The following ENOX1 variants were observed in gnomAD, a reference collection of about 807,000 sequenced individuals.
The protein encoded by ENOX1 is ecto-NOX disulfide-thiol exchanger 1, also known as candidate growth-related and time keeping constitutive hydroquinone (NADH) oxidase.
Under a neutral mutation model 82.5 loss-of-function variants are expected in ENOX1, and 42 were observed. The observed-to-expected ratio is 0.51, with a 90% CI of 0.40 to 0.66. The LOEUF (loss-of-function observed/expected upper bound fraction) is 0.66. Ranked by LOEUF, ENOX1 falls within the 30% of genes least tolerant of loss-of-function variation. The probability of loss-of-function intolerance (pLI) is 0.00; values close to 1 mark genes in which losing one functional copy is unlikely to be tolerated. For synonymous variants in ENOX1, 271 were observed against 282.2 expected, an observed-to-expected ratio of 0.96 and a Z score of 0.40; for missense variants, 608 against 811.6, an observed-to-expected ratio of 0.75 and a Z score of 3.05.
intron 1 of ENOX1, among the ~76,000 whole-genome samples, chr13:43,710,125 A>G (rs2087590420): frequency 6.6e-6 from 1 of 152,164 alleles, no homozygotes; most frequent in Admixed American, 6.5e-5. Flanking sequence ...CACATCCAAC[A>G]GAGTATTAAA....
intron 3 of ENOX1, among the ~76,000 whole-genome samples, chr13:43,460,497 C>A (rs9525778): frequency 6.6e-6 from 1 of 151,864 alleles, no homozygotes; most frequent in Admixed American, 6.6e-5. Context: ...GTGGAACTTT[C>A]TGTGTTAAAA....
intron 2 of ENOX1, among the ~76,000 whole-genome samples, chr13:43,596,045 G>T (rs963847878): frequency 1.3e-5 from 2 of 152,140 alleles, no homozygotes; most frequent in African/African-American, 4.8e-5. Context: ...ACAAACTTCA[G>T]AAACACAGAT....
In ENOX1 at chr13:43,228,913, C is replaced by T. The variant is rs567580128; in HGVS notation, c.1715-4775G>A. Among the ~76,000 whole-genome samples, 122 of 152,322 alleles carry T rather than the reference C, an allele frequency of 8.0e-4. 1 individual carries two copies. The highest frequency in any genetic ancestry group is 3.4e-3 in the Middle Eastern group (1 of 294). On this transcript the variant is annotated intron_variant, in intron 15 of 16. Coordinates refer to ENST00000690772, the MANE Select transcript of ENOX1 (RefSeq NM_001347969.2). The stretch of plus-strand genomic sequence containing the variant: ...AGAAGAGACAGCAACCTGCAGTTTG[C>T]TGGAACGCTACCTTACACAAAGCGA...
chr13:43,582,780 T>C (rs1394421758), intron 2 of ENOX1, among the ~76,000 whole-genome samples: 1 of 152,144 alleles, frequency 6.6e-6, no homozygotes, highest in Non-Finnish European at 1.5e-5. Context: ...CTTGCTATGT[T>C]GCCTAGGCTA....
chr13:43,526,081 G>A (rs1233407122), intron 2 of ENOX1, among the ~76,000 whole-genome samples: 1 of 152,124 alleles, frequency 6.6e-6, no homozygotes, highest in Non-Finnish European at 1.5e-5. Flanking sequence ...AATGCTCTAT[G>A]CAGGCTGGAT....
chr13:43,322,454 T>G lies in ENOX1; in HGVS notation c.1191A>C (p.Glu397Asp), dbSNP rs2047866774. ...QSEQLMGIRREEEMEMSDDEN... is the reference protein window; with the variant it reads ...QSEQLMGIRRDEEMEMSDDEN... The stretch of plus-strand genomic sequence containing the variant: ...CATCATCAGACATTTCCATTTCTTC[T>G]TCGCGGCGGATGCCCATGAGCTGCT... Residue 397 changes from glutamate to aspartate, a missense_variant, in exon 11 of 17, where the codon GAA (glutamate) becomes GAC (aspartate). Physicochemically the swap from Glu to Asp is conservative, Grantham distance 45 (BLOSUM62 2). Transcript: ENST00000690772. The G allele has an allele frequency of 6.2e-7, 1 of 1,614,146 alleles. No individual in the cohort carries two copies. Among genetic ancestry groups the G allele is most frequent in the Admixed American group, 1.7e-5 (1 of 60,028 alleles).
chr13:43,294,516 C>T (rs1414505681), intron 12 of ENOX1, among the ~76,000 whole-genome samples: 1 of 152,178 alleles, frequency 6.6e-6, no homozygotes, highest in Non-Finnish European at 1.5e-5. Flanking sequence ...CTGGAGTTTG[C>T]AGACAGTCCC....
chr13:43,467,101 T>G (rs1331830011), intron 3 of ENOX1, among the ~76,000 whole-genome samples: 2 of 152,194 alleles, frequency 1.3e-5, no homozygotes, highest in South Asian at 4.1e-4. Context: ...ACATACAATT[T>G]TTGTGTGAAT....
At chr13:43,478,131 G>A (rs998769952) in intron 3 of ENOX1, among the ~76,000 whole-genome samples, 17 of 143,708 alleles carry the variant, frequency 1.2e-4, no homozygotes, top group African/African-American at 4.1e-4. Flanking sequence ...CACTAGTAAG[G>A]CAAGAGTCAC....
At chr13:43,538,060 C>T (rs568513285) in intron 2 of ENOX1, among the ~76,000 whole-genome samples, 10 of 152,308 alleles carry the variant, frequency 6.6e-5, no homozygotes, top group Non-Finnish European at 1.3e-4. Context: ...GTGCTCTTAG[C>T]GCTAGCTGAT....
intron 2 of ENOX1, among the ~76,000 whole-genome samples, chr13:43,504,069 G>A (rs1184050883): frequency 6.6e-6 from 1 of 151,530 alleles, no homozygotes; most frequent in Non-Finnish European, 1.5e-5. Context: ...AAGACATACA[G>A]GTATATGAAA....
intron 2 of ENOX1, among the ~76,000 whole-genome samples, chr13:43,557,742 G>A (rs1353722265): frequency 6.6e-6 from 1 of 152,116 alleles, no homozygotes; most frequent in Non-Finnish European, 1.5e-5. Context: ...AGGTTGCAGT[G>A]AGCTATGATC....
At chr13:43,259,646 T>G (rs1434599960) in intron 14 of ENOX1, among the ~76,000 whole-genome samples, 1 of 152,150 alleles carries the variant, frequency 6.6e-6, no homozygotes, top group Non-Finnish European at 1.5e-5. Flanking sequence ...CAGCTAATTT[T>G]TGTATTTTTA....
At chr13:43,274,097 C>A (rs1435565286) in intron 12 of ENOX1, among the ~76,000 whole-genome samples, 1 of 152,142 alleles carries the variant, frequency 6.6e-6, no homozygotes, top group African/African-American at 2.4e-5. Context: ...TTGTTCTAAA[C>A]ATATGGATAC....
At chr13:43,785,106 C>A (rs1451496795) in intron 1 of ENOX1, among the ~76,000 whole-genome samples, 3 of 152,210 alleles carry the variant, frequency 2.0e-5, no homozygotes, top group Non-Finnish European at 4.4e-5. Flanking sequence ...ACTTTCAAAT[C>A]TGTATATTAC....
chr13:43,590,483 T>C (rs561656923), intron 2 of ENOX1, among the ~76,000 whole-genome samples: 8 of 151,990 alleles, frequency 5.3e-5, no homozygotes, highest in South Asian at 2.1e-4. Flanking sequence ...ATAGAATACA[T>C]TGAAAAATGG....
At chr13:43,450,966 AACTTC>A (rs1230982431) in intron 3 of ENOX1, among the ~76,000 whole-genome samples, 3 of 152,194 alleles carry the variant, frequency 2.0e-5, no homozygotes, top group African/African-American at 7.2e-5. Context: ...GAGCTTCTGA[AACTTC>A]ACTGTCCACA....
chr13:43,247,115 A>G (rs2153465025), intron 14 of ENOX1, among the ~76,000 whole-genome samples: 1 of 152,266 alleles, frequency 6.6e-6, no homozygotes, highest in South Asian at 2.1e-4. Context: ...TGATGTCAGG[A>G]GACCAGCCTG....
chr13:43,433,870 G>A (rs2055838135), intron 3 of ENOX1, among the ~76,000 whole-genome samples: 1 of 152,210 alleles, frequency 6.6e-6, no homozygotes, highest in Admixed American at 6.5e-5. Flanking sequence ...TATTTTCATA[G>A]TAAGCTCAGA....
Sources: allele counts gnomAD v4.1 joint callset (sites outside exome capture counted in the v4.1 genomes callset), GRCh38; gene constraint gnomAD v4.1.1; transcripts MANE v1.5; gene names NCBI Gene and HGNC (gene_info 2026-07-23, HGNC 2026-07-21).